GRID2: variants seen among roughly 807,000 people sequenced by gnomAD.
GRID2 encodes glutamate receptor ionotropic, delta-2.
Under a neutral mutation model 114.8 loss-of-function variants are expected in GRID2, and 33 were observed. That is an observed-to-expected ratio of 0.29 (90% CI 0.22 to 0.38). The LOEUF (loss-of-function observed/expected upper bound fraction) is 0.38. GRID2 is among the 10% of genes least tolerant of loss of function. GRID2 has a pLI of 1.00. For missense variants in GRID2, 1,184 were observed against 1,257.7 expected (o/e 0.94, Z 0.89); for synonymous variants, 505 against 449.9 (o/e 1.12, Z -1.55).
intron 2 of GRID2, chr4:92,884,970 T>C (rs1357761203): frequency 3.2e-6 from 1 of 310,092 alleles, no homozygotes; most frequent in South Asian, 3.0e-5. Flanking sequence ...GGCAAAGTGT[T>C]TTAAATAAAG....
intron 13 of GRID2, among the ~76,000 whole-genome samples, chr4:93,520,899 T>C (rs1730270095): frequency 6.6e-6 from 1 of 152,086 alleles, no homozygotes; most frequent in Non-Finnish European, 1.5e-5. Context: ...AAAGGTCCGC[T>C]CTAGATGCTG....
chr4:92,567,424 C>G (rs1352515874), intron 1 of GRID2, among the ~76,000 whole-genome samples: 2 of 152,004 alleles, frequency 1.3e-5, no homozygotes, highest in Non-Finnish European at 2.9e-5. Flanking sequence ...AGATTCACGG[C>G]ATATTTGAAT....
intron 8 of GRID2, among the ~76,000 whole-genome samples, chr4:93,269,208 T>C (rs1751167907): frequency 6.6e-6 from 1 of 152,198 alleles, no homozygotes; most frequent in Non-Finnish European, 1.5e-5. Context: ...TTTTGCACAT[T>C]AAAATCACCT....
rs144785385 is a variant in GRID2, at chr4:92,408,809, T to C, written c.88+104065T>C. Among the ~76,000 whole-genome samples, 70 of 152,220 alleles carry C rather than the reference T, an allele frequency of 4.6e-4. 2 individuals carry two copies. In the East Asian group the frequency reaches 0.014, roughly 29 times the overall value. On this transcript the variant is annotated intron_variant, in intron 1 of 15. Transcript: ENST00000282020. ...TTATTGGTGTGCAAAAATGCTACTT[T>C]TCTTTTAACTGATTTTGTATTATGA...
intron 2 of GRID2, chr4:92,822,174 G>C: frequency 2.4e-6 from 1 of 409,176 alleles, no homozygotes; most frequent in Non-Finnish European, 4.8e-6. Flanking sequence ...GAGGCCTGTG[G>C]TAGCGCAGAA....
intron 1 of GRID2, among the ~76,000 whole-genome samples, chr4:92,530,524 A>AG (rs1553946210): frequency 4.0e-5 from 6 of 150,406 alleles, no homozygotes; most frequent in South Asian, 2.1e-4. Flanking sequence ...AAAAAAAAAA[A>AG]AGAGAGACTT....
chr4:93,729,915 G>A (rs948616808), intron 14 of GRID2, among the ~76,000 whole-genome samples: 2 of 152,156 alleles, frequency 1.3e-5, no homozygotes, highest in Non-Finnish European at 2.9e-5. Flanking sequence ...TTGTGGACAT[G>A]CAATTTCCAG....
chr4:92,758,070 A>G (rs543767002), intron 2 of GRID2, among the ~76,000 whole-genome samples: 2 of 152,190 alleles, frequency 1.3e-5, no homozygotes, highest in South Asian at 4.1e-4. Flanking sequence ...GTGCATGTGG[A>G]CACTTACTAA....
At chr4:93,678,990 A>T (rs1046101494) in intron 14 of GRID2, among the ~76,000 whole-genome samples, 1 of 151,254 alleles carries the variant, frequency 6.6e-6, no homozygotes, top group Admixed American at 6.6e-5. Context: ...GGCAAATTGG[A>T]TAAAGAGTCA....
At chr4:92,851,993 G>A (rs1263329837) in intron 2 of GRID2, among the ~76,000 whole-genome samples, 1 of 151,932 alleles carries the variant, frequency 6.6e-6, no homozygotes, top group Non-Finnish European at 1.5e-5. Context: ...TTTGTAAAGA[G>A]TGGTAATTAT....
intron 14 of GRID2, among the ~76,000 whole-genome samples, chr4:93,680,627 C>T (rs376332099): frequency 0.046 from 6,878 of 151,140 alleles, 177 homozygotes; most frequent in African/African-American, 0.083. Context: ...GTTCAATATA[C>T]GCAAATCAAT....
intron 2 of GRID2, among the ~76,000 whole-genome samples, chr4:92,727,220 A>G (rs2149321540): frequency 6.6e-6 from 1 of 152,214 alleles, no homozygotes; most frequent in South Asian, 2.1e-4. Context: ...AAGTAAAAAA[A>G]GTTCGTATAC....
intron 1 of GRID2, among the ~76,000 whole-genome samples, chr4:92,465,780 G>C (rs1721722427): frequency 6.6e-6 from 1 of 151,868 alleles, no homozygotes; most frequent in African/African-American, 2.4e-5. Context: ...TTAATACAGA[G>C]GTCAGTTCAA....
At chr4:92,511,215 C>T (rs1022604095) in intron 1 of GRID2, among the ~76,000 whole-genome samples, 2 of 151,776 alleles carry the variant, frequency 1.3e-5, no homozygotes, top group African/African-American at 4.8e-5. Flanking sequence ...AGGGAGCCAA[C>T]ACATCACATG....
At chr4:92,664,957 G>T (rs1450901193) in intron 2 of GRID2, among the ~76,000 whole-genome samples, 1 of 143,824 alleles carries the variant, frequency 7.0e-6, no homozygotes, top group African/African-American at 2.5e-5. Flanking sequence ...GCATATTGTT[G>T]GTTGATTTTA....
chr4:93,221,813 C>T (rs1384696441), intron 6 of GRID2, among the ~76,000 whole-genome samples: 2 of 152,102 alleles, frequency 1.3e-5, no homozygotes, highest in Non-Finnish European at 2.9e-5. Flanking sequence ...CTTGATCCTG[C>T]AGTTTGGAAT....
intron 2 of GRID2, among the ~76,000 whole-genome samples, chr4:92,990,240 GTGTGTGTGTGAT>G (rs1754786925): frequency 8.8e-6 from 1 of 114,184 alleles, no homozygotes; most frequent in Non-Finnish European, 1.9e-5. Flanking sequence ...GTGTGTGTGT[GTGTGTGTGTGAT>G]ATATGTATAT....
At chr4:92,418,910 A>G (rs1037811704) in intron 1 of GRID2, among the ~76,000 whole-genome samples, 4 of 152,082 alleles carry the variant, frequency 2.6e-5, no homozygotes, top group African/African-American at 9.7e-5. Flanking sequence ...AGTGCTCTCC[A>G]GTGAAGATGG....
intron 1 of GRID2, among the ~76,000 whole-genome samples, chr4:92,360,549 T>C (rs1238803218): frequency 6.6e-6 from 1 of 152,008 alleles, no homozygotes; most frequent in African/African-American, 2.4e-5. Context: ...AACACCTGCA[T>C]GCATATCAAC....
Sources: allele counts gnomAD v4.1 joint callset (sites outside exome capture counted in the v4.1 genomes callset), GRCh38; gene constraint gnomAD v4.1.1; transcripts MANE v1.5; gene names NCBI Gene and HGNC (gene_info 2026-07-23, HGNC 2026-07-21).